The following GALNTL6 variants were observed in gnomAD, a reference collection of about 807,000 sequenced individuals.
GALNTL6 encodes the protein polypeptide N-acetylgalactosaminyltransferase-like 6.
In GALNTL6, 46 loss-of-function variants were observed where a neutral mutation model predicts 73.7. The observed-to-expected ratio is 0.62, with a 90% CI of 0.49 to 0.80. The LOEUF is 0.80. GALNTL6 is among the 30% of genes least tolerant of loss of function. GALNTL6 has a pLI of 0.00. For synonymous variants in GALNTL6, 259 were observed against 263.7 expected (o/e 0.98, Z 0.17); for missense variants, 604 against 755.0 (o/e 0.80, Z 2.34).
chr4:172,709,094 C>T (rs1024298230), intron 5 of GALNTL6, among the ~76,000 whole-genome samples: 4 of 152,168 alleles, frequency 2.6e-5, no homozygotes, highest in Non-Finnish European at 5.9e-5. Context: ...ATTTCATGCC[C>T]ACATGCATGC....
intron 11 of GALNTL6, among the ~76,000 whole-genome samples, chr4:173,020,880 C>T (rs1752962398): frequency 6.6e-6 from 1 of 152,162 alleles, no homozygotes; most frequent in African/African-American, 2.4e-5. Context: ...TGAGACTAGC[C>T]TAGCCAACAT....
intron 5 of GALNTL6, among the ~76,000 whole-genome samples, chr4:172,367,581 G>A (rs555855224): frequency 6.6e-6 from 1 of 152,154 alleles, no homozygotes. Flanking sequence ...GTAAAAAAAA[G>A]TGTTGCTTCT....
At chr4:172,165,426 C>T (rs536924747) in intron 2 of GALNTL6, among the ~76,000 whole-genome samples, 1 of 152,246 alleles carries the variant, frequency 6.6e-6, no homozygotes, top group African/African-American at 2.4e-5. Flanking sequence ...CTTCTTTTCC[C>T]ACCACATCAT....
intron 3 of GALNTL6, among the ~76,000 whole-genome samples, chr4:172,288,094 AT>A (rs11354201): frequency 0.16 from 23,576 of 144,436 alleles, 1,998 homozygotes; most frequent in Middle Eastern, 0.2. Flanking sequence ...GATAGAATTG[AT>A]TTTTTTTTTT....
chr4:172,707,182 C>T (rs189059390), intron 5 of GALNTL6, among the ~76,000 whole-genome samples: 129 of 152,100 alleles, frequency 8.5e-4, no homozygotes, highest in Admixed American at 5.4e-3. Context: ...TTTCTGTGGC[C>T]CCTGGGATTG....
intron 7 of GALNTL6, among the ~76,000 whole-genome samples, chr4:172,838,757 G>T (rs1743048084): frequency 6.6e-6 from 1 of 151,948 alleles, no homozygotes; most frequent in South Asian, 2.1e-4. Context: ...ACTCATATAG[G>T]CACCAAAGAC....
At chr4:172,410,278 A>C (rs1422148477) in intron 5 of GALNTL6, among the ~76,000 whole-genome samples, 1 of 152,034 alleles carries the variant, frequency 6.6e-6, no homozygotes, top group Non-Finnish European at 1.5e-5. Context: ...TTACCATCTT[A>C]ACCATATATA....
At chr4:171,926,868 CT>C (rs1211359624) in intron 2 of GALNTL6, among the ~76,000 whole-genome samples, 1 of 152,010 alleles carries the variant, frequency 6.6e-6, no homozygotes, top group African/African-American at 2.4e-5. Flanking sequence ...TTAGTTTTAG[CT>C]TTTGCACATA....
At chr4:172,848,361 TA>T (rs1432288944) in intron 7 of GALNTL6, among the ~76,000 whole-genome samples, 2 of 152,210 alleles carry the variant, frequency 1.3e-5, no homozygotes, top group African/African-American at 4.8e-5. Context: ...TTACAAGTAA[TA>T]ATTCTATACT....
At chr4:172,643,107 T>TAA (rs36032161) in intron 5 of GALNTL6, among the ~76,000 whole-genome samples, 10 of 150,404 alleles carry the variant, frequency 6.6e-5, no homozygotes, top group Non-Finnish European at 8.9e-5. Flanking sequence ...GATTCTTTTG[T>TAA]AAAAAAAAAA....
intron 4 of GALNTL6, among the ~76,000 whole-genome samples, chr4:172,336,427 A>G (rs1196830561): frequency 6.8e-6 from 1 of 147,868 alleles, no homozygotes; most frequent in Non-Finnish European, 1.5e-5. Flanking sequence ...ACATGCCACC[A>G]TGCCCAGCTA....
chr4:172,558,634 A>G (rs1172609575), intron 5 of GALNTL6, among the ~76,000 whole-genome samples: 1 of 152,148 alleles, frequency 6.6e-6, no homozygotes, highest in Non-Finnish European at 1.5e-5. Context: ...TAATACATTT[A>G]TGTTGTTTAA....
chr4:172,093,907 G>C (rs990972745), intron 2 of GALNTL6, among the ~76,000 whole-genome samples: 2 of 152,080 alleles, frequency 1.3e-5, no homozygotes, highest in Admixed American at 1.3e-4. Flanking sequence ...ATTATGGTGA[G>C]TCGTATCATT....
At chr4:172,671,391 T>C (rs1378860283) in intron 5 of GALNTL6, among the ~76,000 whole-genome samples, 1 of 152,128 alleles carries the variant, frequency 6.6e-6, no homozygotes, top group Non-Finnish European at 1.5e-5. Context: ...TATTCCTAGG[T>C]ATTTTGTTTT....
chr4:172,885,412 G>C (rs796322588), intron 8 of GALNTL6, among the ~76,000 whole-genome samples: 1 of 152,116 alleles, frequency 6.6e-6, no homozygotes, highest in South Asian at 2.1e-4. Flanking sequence ...ATTTCTGTTA[G>C]TGTATAGCAA....
intron 7 of GALNTL6, among the ~76,000 whole-genome samples, chr4:172,829,379 C>T (rs1742497327): frequency 6.6e-6 from 1 of 152,172 alleles, no homozygotes; most frequent in East Asian, 1.9e-4. Flanking sequence ...CTATATCTTT[C>T]TTTCTACCCA....
At chr4:172,553,815 G>T (rs1736047245) in intron 5 of GALNTL6, among the ~76,000 whole-genome samples, 1 of 152,016 alleles carries the variant, frequency 6.6e-6, no homozygotes, top group African/African-American at 2.4e-5. Flanking sequence ...TCAGTGCTTT[G>T]GGAGGCAAGG....
intron 5 of GALNTL6, among the ~76,000 whole-genome samples, chr4:172,419,701 T>G (rs1355208409): frequency 6.6e-6 from 1 of 152,194 alleles, no homozygotes; most frequent in Admixed American, 6.6e-5. Flanking sequence ...GTAATTCTGT[T>G]GCACACTGTA....
At chr4:172,797,788 C>T (rs1270971191) in intron 5 of GALNTL6, among the ~76,000 whole-genome samples, 2 of 152,158 alleles carry the variant, frequency 1.3e-5, no homozygotes, top group Non-Finnish European at 1.5e-5. Context: ...ATCCGCCAGC[C>T]TCGACCTCCC....
Sources: gnomAD v4.1 joint callset for allele counts (sites outside exome capture counted in the v4.1 genomes callset) on GRCh38, gnomAD v4.1.1 for gene constraint, MANE v1.5 for transcripts, NCBI Gene and HGNC (gene_info 2026-07-23, HGNC 2026-07-21) for gene names.